Variants in SLC6A17 observed in about 807,000 individuals in gnomAD.
SLC6A17 encodes the protein sodium-dependent neutral amino acid transporter SLC6A17.
A neutral mutation model predicts 64.5 loss-of-function variants in SLC6A17; 21 were observed. The ratio of observed to expected loss-of-function variants is 0.33; its 90% CI spans 0.23 to 0.47. SLC6A17 has a LOEUF of 0.47. Ranked by LOEUF, SLC6A17 falls within the 20% of genes least tolerant of loss-of-function variation. The pLI, the probability that SLC6A17 is intolerant of heterozygous loss-of-function variation, is 1.00. For synonymous variants in SLC6A17, 372 were observed against 399.5 expected, an observed-to-expected ratio of 0.93 and a Z score of 0.82; for missense variants, 682 against 963.2, an observed-to-expected ratio of 0.71 and a Z score of 3.86.
rs183730124 is a variant in SLC6A17 at position 110,195,857 on chromosome 1, G to T, written c.1652+112G>T. The T allele has an allele frequency of 8.7e-5, 127 of 1,453,510 alleles. No homozygotes were observed. The African/African-American group carries it at 1.3e-3, about 15-fold the overall frequency. The allele number at this position is 1,453,510 out of a possible 1,614,324, so 90.0% of individuals were successfully genotyped here. On this transcript the variant is annotated intron_variant, in intron 10 of 11. Coordinates refer to ENST00000331565, the MANE Select transcript of SLC6A17 (RefSeq NM_001010898.4). ...TGGCAGAGCTGAAAGTGCCCTTACG[G>T]ATCATTTAGGGAAACTGAGGTGTAG... is the stretch of plus-strand genomic sequence containing the variant.
At chr1:110,174,669 C>A in intron 4 of SLC6A17, 110 bp from the exon 5 acceptor site, 1 of 1,367,098 alleles carries the variant, frequency 7.3e-7, no homozygotes, top group Non-Finnish European at 1.0e-6. Context: ...TCCCAGCTGC[C>A]CACCCTCAGC....
chr1:110,167,910 C>G (rs902300534), intron 2 of SLC6A17, among the ~76,000 whole-genome samples: 5 of 152,156 alleles, frequency 3.3e-5, no homozygotes, highest in Non-Finnish European at 7.4e-5. Context: ...CCTGGACAGG[C>G]TTGCCCAGAG....
Position 110,174,856 on chromosome 1 carries a change from A to G in SLC6A17, c.649A>G (p.Ile217Val). 1 of 1,614,138 alleles carries G rather than the reference A, an allele frequency of 6.2e-7. No homozygotes were observed. Among genetic ancestry groups the G allele is most frequent in the Non-Finnish European group, 8.5e-7 (1 of 1,180,022 alleles). Residue 217 changes from isoleucine (I) to valine (V), a missense_variant, in exon 5 of 12, where the codon ATC (isoleucine) becomes GTC (valine). Transcript: ENST00000331565. ...YREALDISDS[I>V]SESGGLNWKM... ...AGAGGCCTTGGACATCTCTGACTCC[A>G]TCTCGGAGAGTGGGGGCCTCAACTG...
intron 2 of SLC6A17, chr1:110,168,315 C>T (rs1209213772): frequency 6.6e-6 from 1 of 152,128 alleles, no homozygotes; most frequent in Non-Finnish European, 1.5e-5. Context: ...TTTCCAAAGA[C>T]GCAGTCCCCT....
chr1:110,155,701 C>G (rs546000832), intron 1 of SLC6A17, among the ~76,000 whole-genome samples: 1 of 152,346 alleles, frequency 6.6e-6, no homozygotes, highest in African/African-American at 2.4e-5. Context: ...AGTTGCCTGT[C>G]ACTGTACGCC....
At chr1:110,171,071 A>G (rs891035690) in intron 2 of SLC6A17, among the ~76,000 whole-genome samples, 7 of 152,192 alleles carry the variant, frequency 4.6e-5, no homozygotes, top group Non-Finnish European at 8.8e-5. Flanking sequence ...GCCAGTGTTC[A>G]TTGGCAGATT....
At chr1:110,162,726 G>A (rs74117537) in intron 1 of SLC6A17, among the ~76,000 whole-genome samples, 5,188 of 152,262 alleles carry the variant, frequency 0.034, 308 homozygotes, top group African/African-American at 0.12. Flanking sequence ...GGTGGAGCAG[G>A]GAGGGTTATT....
Position 110,166,869 on chromosome 1 carries a change from C to G in SLC6A17, c.-61C>G. On this transcript the variant is annotated 5_prime_UTR_variant, in exon 2 of 12. Transcript: ENST00000331565. ...TCCCTGAATGAGAAGGAGCTGACAG[C>G]AGCTGAATTCCATCTTCTCTGTGTG... is the stretch of plus-strand genomic sequence containing the variant. 1 of 1,529,636 alleles carries G rather than the reference C, an allele frequency of 6.5e-7. No homozygotes were observed. The highest frequency in any genetic ancestry group is 8.8e-7 in the Non-Finnish European group (1 of 1,134,830). The allele number at this position is 1,529,636 out of a possible 1,614,324, so 94.8% of individuals were successfully genotyped here. A position where few individuals can be genotyped will look rare whatever the true frequency, so the allele number is the denominator to read the frequency against.
rs1453998448 is a variant in SLC6A17 at position 110,201,299 on chromosome 1, A to C, written c.*2855A>C. On this transcript the variant is annotated 3_prime_UTR_variant, in exon 12 of 12. Coordinates refer to ENST00000331565, the MANE Select transcript of SLC6A17 (RefSeq NM_001010898.4). ...AGGTGGGGTCACCTGATGAGCTAAG[A>C]TCCAGCCCCAGAATCCTGGAGGAGC... 6.6e-6 allele frequency: 1 copy of C among 152,110 alleles called. No individual in the cohort carries two copies. The highest frequency in any genetic ancestry group is 1.5e-5 in the Non-Finnish European group (1 of 68,072). The allele number at this position is 152,110 out of a possible 1,614,324, so 9.4% of individuals were successfully genotyped here. A position where few individuals can be genotyped will look rare whatever the true frequency, so the allele number is the denominator to read the frequency against.
At chr1:110,176,988 G>A (rs552103621) in intron 6 of SLC6A17, among the ~76,000 whole-genome samples, 6 of 152,322 alleles carry the variant, frequency 3.9e-5, no homozygotes, top group African/African-American at 1.4e-4. Flanking sequence ...ATCTGAAAGA[G>A]CCTTAGGGAG....
At chr1:110,158,792 G>A (rs925410345) in intron 1 of SLC6A17, among the ~76,000 whole-genome samples, 1 of 152,142 alleles carries the variant, frequency 6.6e-6, no homozygotes, top group African/African-American at 2.4e-5. Flanking sequence ...CAGGGGCTTT[G>A]GATGACTTGC....
intron 6 of SLC6A17, among the ~76,000 whole-genome samples, chr1:110,181,972 G>A (rs1177720370): frequency 1.9e-4 from 29 of 152,204 alleles, no homozygotes; most frequent in Admixed American, 1.9e-3. Flanking sequence ...GCCATCGAGA[G>A]TTCTCAGCAG....
chr1:110,183,021 G>A (rs1482259746), intron 6 of SLC6A17, among the ~76,000 whole-genome samples: 3 of 152,174 alleles, frequency 2.0e-5, no homozygotes, highest in African/African-American at 7.2e-5. Context: ...TACACCACTG[G>A]TGGGAATGTG....
At position 110,172,200 on chromosome 1, in the gene SLC6A17, G is replaced by A. The variant is rs986450206; in HGVS notation, c.427G>A (p.Gly143Ser). ...HYICPRLGGI[G>S]FSSCIVCLFV... Reference sequence around the variant, plus strand: ...TATATGTCCCCGCCTGGGGGGCATCGGCTTCTCCAGCTGCATAGTGAGTCA... The same window carrying A: ...TATATGTCCCCGCCTGGGGGGCATCAGCTTCTCCAGCTGCATAGTGAGTCA... The change falls in exon 3 of 12, where the codon GGC (glycine) becomes AGC (serine). Residue 143 changes from glycine (G) to serine (S), a missense_variant. Around this residue, in one of 3 missense-constraint regions of SLC6A17, gnomAD observed 415 missense variants for 603.8 expected, o/e 0.69. Coordinates refer to ENST00000331565, the MANE Select transcript of SLC6A17 (RefSeq NM_001010898.4). 1.6e-5 allele frequency: 25 copies of A among 1,593,126 alleles called. No individual in the cohort carries two copies. The highest frequency in any genetic ancestry group is 5.4e-5 in the African/African-American group (4 of 74,396).
intron 2 of SLC6A17, among the ~76,000 whole-genome samples, chr1:110,170,280 C>T (rs533929188): frequency 1.3e-5 from 2 of 152,014 alleles, no homozygotes; most frequent in South Asian, 2.1e-4. Context: ...GTCAGGAGAT[C>T]GAGACCATCC....
intron 3 of SLC6A17, among the ~76,000 whole-genome samples, chr1:110,173,668 T>A (rs889300944): frequency 2.0e-5 from 3 of 152,218 alleles, no homozygotes; most frequent in African/African-American, 7.2e-5. Context: ...GAGGAGAAAG[T>A]ACTTCAAGTA....
Position 110,200,308 on chromosome 1 carries a change from GGA to G in SLC6A17, c.*1873_*1874del, listed in dbSNP as rs138384358. The G allele has an allele frequency of 2.3e-5, 9 of 386,076 alleles. No individual in the cohort carries two copies. The highest frequency in any genetic ancestry group is 3.7e-5 in the Non-Finnish European group (8 of 218,884). 23.9% of individuals were successfully genotyped at this position (386,076 alleles called of 1,614,324 possible). On this transcript the variant is annotated 3_prime_UTR_variant, in exon 12 of 12. Transcript: ENST00000331565. ...ACCTGTCTTTCCTGAGTGTTTGAGG[GGA>G]GAGAGAGACCCACATCTCCCCAAAG...
At chr1:110,162,059 G>A (rs938828613) in intron 1 of SLC6A17, among the ~76,000 whole-genome samples, 11 of 152,226 alleles carry the variant, frequency 7.2e-5, no homozygotes, top group Admixed American at 6.5e-4. Context: ...TGGCACCAAG[G>A]GCCTTCTCGG....
Position 110,198,159 on chromosome 1 carries a change from T to G in SLC6A17, c.1899T>G (p.Pro633=), listed in dbSNP as rs1236128409. The change falls in exon 12 of 12, where the codon CCT becomes CCG. Residue 633 remains proline, a synonymous_variant. Transcript: ENST00000331565. The part of the protein sequence containing the change: ...TLIVVATLPI[P]VVFVLRHFHL... ...TCGTCGTGGCGACGCTGCCCATCCC[T>G]GTGGTGTTCGTCCTGCGGCACTTCC... 1.2e-6 allele frequency: 2 copies of G among 1,614,076 alleles called. No homozygotes were observed. The highest frequency in any genetic ancestry group is 2.2e-5 in the South Asian group (2 of 91,064).
Sources: allele counts gnomAD v4.1 joint callset (sites outside exome capture counted in the v4.1 genomes callset), GRCh38; gene constraint gnomAD v4.1.1; regional missense constraint gnomAD v4.1.1; transcripts MANE v1.5; gene names NCBI Gene and HGNC (gene_info 2026-07-23, HGNC 2026-07-21).